ERC2: variants seen among roughly 807,000 people sequenced by gnomAD.
ERC2 encodes the protein ELKS/RAB6-interacting/CAST family member 2.
Under a neutral mutation model 114.8 loss-of-function variants are expected in ERC2, and 42 were observed. The ratio of observed to expected loss-of-function variants is 0.37; its 90% CI spans 0.29 to 0.47. ERC2 has a LOEUF of 0.47. Ranked by LOEUF, ERC2 falls within the 20% of genes least tolerant of loss-of-function variation. ERC2 has a pLI of 0.99. For synonymous variants in ERC2, 454 were observed against 425.5 expected (o/e 1.07, Z -0.82); for missense variants, 939 against 1,150.7 (o/e 0.82, Z 2.66).
At chr3:56,129,188 T>C (rs564999500) in intron 6 of ERC2, among the ~76,000 whole-genome samples, 1 of 152,178 alleles carries the variant, frequency 6.6e-6, no homozygotes, top group Non-Finnish European at 1.5e-5. Flanking sequence ...TTAAGAAAGA[T>C]AAAAGTTCGT....
chr3:55,734,847 T>C lies in ERC2; in HGVS notation c.2636A>G (p.Lys879Arg), dbSNP rs761652911. Residue 879 changes from lysine to arginine, a missense_variant, in exon 15 of 18, where the codon AAA (lysine) becomes AGA (arginine). Coordinates refer to ENST00000288221, the MANE Select transcript of ERC2 (RefSeq NM_015576.3). Reference protein sequence around the residue: ...NIALLELSASKKKKTQEEVMA... With the variant: ...NIALLELSASRKKKTQEEVMA... ...GACTTCTTCCTGCGTCTTTTTCTTTTTGGAGGCAGACAATTCCAGCAAGGC... is the reference window on the plus strand; with the variant it reads ...GACTTCTTCCTGCGTCTTTTTCTTTCTGGAGGCAGACAATTCCAGCAAGGC... 5.0e-6 allele frequency: 8 copies of C among 1,612,964 alleles called. No individual in the cohort carries two copies. The highest frequency in any genetic ancestry group is 2.2e-5 in the East Asian group (1 of 44,848).
At chr3:55,747,795 A>G (rs894667645) in intron 14 of ERC2, among the ~76,000 whole-genome samples, 7 of 152,258 alleles carry the variant, frequency 4.6e-5, no homozygotes, top group Non-Finnish European at 1.0e-4. Flanking sequence ...TTACAGAAGT[A>G]TAGAACTATG....
At chr3:56,257,004 T>C (rs1003450087) in intron 3 of ERC2, among the ~76,000 whole-genome samples, 10 of 152,186 alleles carry the variant, frequency 6.6e-5, no homozygotes, top group Non-Finnish European at 1.2e-4. Flanking sequence ...TTTAAATACT[T>C]ACTTTTGTGA....
intron 3 of ERC2, among the ~76,000 whole-genome samples, chr3:56,177,183 A>G (rs1307819795): frequency 6.6e-6 from 1 of 152,214 alleles, no homozygotes; most frequent in African/African-American, 2.4e-5. Context: ...AAGAACTGCA[A>G]TGGCTACAAG....
In ERC2 at chr3:55,574,830, T is replaced by C. The variant is rs183364811; in HGVS notation, c.*40-63554A>G. On this transcript the variant is annotated intron_variant, in intron 17 of 17. Coordinates refer to ENST00000288221, the MANE Select transcript of ERC2 (RefSeq NM_015576.3). ...CAGAGCCTAGATTAACTATCACAAGTGCCCTCCAGACACAGGCCAGAATGG... is the reference window on the plus strand; with the variant it reads ...CAGAGCCTAGATTAACTATCACAAGCGCCCTCCAGACACAGGCCAGAATGG... Among the ~76,000 whole-genome samples the C allele has an allele frequency of 4.6e-5, 7 of 152,220 alleles. No homozygotes were observed. In the East Asian group the frequency reaches 1.4e-3, roughly 29 times the overall value.
chr3:55,526,773 C>T (rs951859184), intron 17 of ERC2, among the ~76,000 whole-genome samples: 3 of 152,290 alleles, frequency 2.0e-5, no homozygotes, highest in African/African-American at 4.8e-5. Context: ...AGGGTCTTCA[C>T]GGGGCCTTGG....
chr3:55,830,774 T>C (rs1346957685), intron 14 of ERC2, among the ~76,000 whole-genome samples: 1 of 151,928 alleles, frequency 6.6e-6, no homozygotes, highest in Non-Finnish European at 1.5e-5. Flanking sequence ...CAAGACCCCA[T>C]TTCTAAAAAA....
intron 17 of ERC2, among the ~76,000 whole-genome samples, chr3:55,610,029 G>A (rs2058821559): frequency 8.0e-6 from 1 of 125,278 alleles, no homozygotes; most frequent in South Asian, 2.5e-4. Context: ...TTTATCCCAG[G>A]ACTTGAGAGA....
At chr3:55,895,501 A>G (rs2063800314) in intron 13 of ERC2, among the ~76,000 whole-genome samples, 1 of 152,206 alleles carries the variant, frequency 6.6e-6, no homozygotes, top group Admixed American at 6.5e-5. Context: ...GCACCAGCAC[A>G]TGCCCATTCC....
At chr3:55,683,413 T>A (rs1195683709) in intron 17 of ERC2, among the ~76,000 whole-genome samples, 1 of 152,162 alleles carries the variant, frequency 6.6e-6, no homozygotes, top group Non-Finnish European at 1.5e-5. Flanking sequence ...CACTGGCATA[T>A]CTGGTGAAAG....
At chr3:55,633,549 C>T (rs1454188285) in intron 17 of ERC2, among the ~76,000 whole-genome samples, 1 of 152,096 alleles carries the variant, frequency 6.6e-6, no homozygotes, top group African/African-American at 2.4e-5. Flanking sequence ...ATTTCAAGGG[C>T]CTGGCATATA....
chr3:56,309,027 C>T (rs897522089), intron 2 of ERC2, among the ~76,000 whole-genome samples: 1 of 152,182 alleles, frequency 6.6e-6, no homozygotes, highest in Non-Finnish European at 1.5e-5. Flanking sequence ...GACTTCAAAT[C>T]TTCCTTAGGC....
intron 13 of ERC2, among the ~76,000 whole-genome samples, chr3:55,907,011 G>T (rs1453041843): frequency 6.6e-6 from 1 of 152,154 alleles, no homozygotes; most frequent in Admixed American, 6.5e-5. Context: ...CATCTTGAGG[G>T]TAAGGTTTCC....
At chr3:56,384,103 G>C (rs2059850207) in intron 2 of ERC2, among the ~76,000 whole-genome samples, 1 of 152,102 alleles carries the variant, frequency 6.6e-6, no homozygotes, top group African/African-American at 2.4e-5. Flanking sequence ...CATCCACTGA[G>C]GGACATATAT....
At position 56,275,929 on chromosome 3, in the gene ERC2, T is replaced by C. The variant is rs568111304; in HGVS notation, c.1074+20090A>G. ...CAAGCCCCCATCCCCAGCAAAGAACTATCCAGCCCAGAATGTCAACAGTGC... is the reference window on the plus strand; with the variant it reads ...CAAGCCCCCATCCCCAGCAAAGAACCATCCAGCCCAGAATGTCAACAGTGC... On this transcript the variant is annotated intron_variant, in intron 3 of 17. Coordinates refer to ENST00000288221, the MANE Select transcript of ERC2 (RefSeq NM_015576.3). 6.7e-4 allele frequency among the ~76,000 whole-genome samples: 102 copies of C among 152,280 alleles called. 3 individuals carry two copies. Among genetic ancestry groups the C allele is most frequent in the Admixed American group, 2.0e-4 (3 of 15,288 alleles).
rs558104835 is a variant in ERC2 at position 56,126,644 on chromosome 3, A to G, written c.1473+12865T>C. Among the ~76,000 whole-genome samples, 3 of 152,074 alleles carry G rather than the reference A, an allele frequency of 2.0e-5. No individual in the cohort carries two copies. The South Asian group carries it at 6.2e-4, about 32-fold the overall frequency. ...GTGGTGGTATGTAGTAGTCCCAGCT[A>G]CTTGGGAGGCTGAGGCAGGAGGATT... On this transcript the variant is annotated intron_variant, in intron 6 of 17. Coordinates refer to ENST00000288221, the MANE Select transcript of ERC2 (RefSeq NM_015576.3).
At chr3:55,776,012 C>T (rs914697294) in intron 14 of ERC2, among the ~76,000 whole-genome samples, 6 of 152,194 alleles carry the variant, frequency 3.9e-5, no homozygotes, top group Non-Finnish European at 8.8e-5. Context: ...ACAGACCAGT[C>T]TCACTGAGCT....
At chr3:56,394,939 CA>C (rs1412459767) in intron 2 of ERC2, among the ~76,000 whole-genome samples, 1 of 151,132 alleles carries the variant, frequency 6.6e-6, no homozygotes, top group African/African-American at 2.4e-5. Context: ...AATGGATACA[CA>C]AAATGTGGTA....
intron 13 of ERC2, among the ~76,000 whole-genome samples, chr3:55,920,737 T>C (rs2065378154): frequency 6.6e-6 from 1 of 152,266 alleles, no homozygotes; most frequent in Middle Eastern, 3.4e-3. Context: ...CACGTGATTC[T>C]GCAAAACTGA....
Sources: allele counts gnomAD v4.1 joint callset (sites outside exome capture counted in the v4.1 genomes callset), GRCh38; gene constraint gnomAD v4.1.1; transcripts MANE v1.5; gene names NCBI Gene and HGNC (gene_info 2026-07-23, HGNC 2026-07-21).